PTPN23: variants seen among roughly 807,000 people sequenced by gnomAD.
PTPN23 encodes tyrosine-protein phosphatase non-receptor type 23.
In PTPN23, 72 loss-of-function variants were observed where a neutral mutation model predicts 156.3. The observed-to-expected ratio is 0.46, with a 90% CI of 0.38 to 0.56. PTPN23 has a LOEUF of 0.56. Among genes scored for constraint, PTPN23 ranks in the 20% least tolerant of loss-of-function variants. PTPN23 has a pLI of 0.00. For synonymous variants in PTPN23, 957 were observed against 899.6 expected (o/e 1.06, Z -1.14); for missense variants, 1,974 against 2,171.5 (o/e 0.91, Z 1.81).
intron 2 of PTPN23, among the ~76,000 whole-genome samples, chr3:47,397,922 C>T (rs929731649): frequency 3.3e-5 from 5 of 152,146 alleles, no homozygotes; most frequent in East Asian, 3.9e-4. Context: ...CCACCTGTCT[C>T]GGCTTCCCAA....
intron 17 of PTPN23, 36 bp downstream of exon 17, chr3:47,409,353 C>T: frequency 6.2e-7 from 1 of 1,613,224 alleles, no homozygotes; most frequent in African/African-American, 1.3e-5. Flanking sequence ...GGCTCTGGCT[C>T]CGGGCCCCAC....
Position 47,411,181 on chromosome 3 carries a change from A to T in PTPN23, c.3383A>T (p.His1128Leu). Residue 1128 changes from histidine to leucine, a missense_variant, in exon 20 of 25, where the codon CAT (histidine) becomes CTT (leucine). His to Leu is a moderately conservative substitution (Grantham distance 99). This residue lies in a region of PTPN23 where 731 missense variants were observed against 669.1 expected (regional missense o/e 1.09). Transcript: ENST00000265562. The surrounding 1 kb of genome is among the most constrained non-coding windows in gnomAD (Gnocchi z 6.3). ...CTCTCCTCCAGCCCGGAGAGCCAGCATGGCGGCACTCAGTCTCCTGGGGGT... is the reference window on the plus strand; with the variant it reads ...CTCTCCTCCAGCCCGGAGAGCCAGCTTGGCGGCACTCAGTCTCCTGGGGGT... ...DLLSSSPESQ[H>L]GGTQSPGGGQ... is the part of the protein sequence containing the mutation. 6.2e-7 allele frequency: 1 copy of T among 1,603,892 alleles called. No individual in the cohort carries two copies. Among genetic ancestry groups the T allele is most frequent in the Non-Finnish European group, 8.5e-7 (1 of 1,177,418 alleles).
chr3:47,412,044 C>G, intron 21 of PTPN23, 50 bp from the exon 22 acceptor site: 2 of 1,609,396 alleles, frequency 1.2e-6, no homozygotes, highest in Non-Finnish European at 1.7e-6. Context: ...ATGAGAGCCT[C>G]AGGTCAGGCC....
intron 1 of PTPN23, among the ~76,000 whole-genome samples, chr3:47,381,427 C>A (rs1327732609): frequency 1.3e-5 from 2 of 152,196 alleles, no homozygotes; most frequent in Non-Finnish European, 2.9e-5. Flanking sequence ...CGACTTCTGC[C>A]CCGAGTCATC....
In PTPN23 at chr3:47,410,366, A is replaced by C. The variant is rs1165809201; in HGVS notation, c.2568A>C (p.Pro856=). 8 of 1,610,350 alleles carry C rather than the reference A, an allele frequency of 5.0e-6. No homozygotes were observed. The highest frequency in any genetic ancestry group is 6.8e-6 in the Non-Finnish European group (8 of 1,178,588). Residue 856 remains proline (P), a synonymous_variant, in exon 20 of 25, where the codon CCA becomes CCC. Transcript: ENST00000265562. ...SPYVGVGPAP[P]VAGLPSAPPP... ...ATGTGGGGGTAGGGCCGGCCCCACC[A>C]GTTGCAGGTCTCCCCTCGGCCCCAC...
At position 47,406,128 on chromosome 3, in the gene PTPN23, G is replaced by A; in HGVS notation, c.546+82G>A. On this transcript the variant is annotated intron_variant, in intron 6 of 24. Coordinates refer to ENST00000265562, the MANE Select transcript of PTPN23 (RefSeq NM_015466.4). The surrounding 1 kb of genome is among the most constrained non-coding windows in gnomAD (Gnocchi z 5.8). ...AGGGGGCAGTTGGGCCTGGATCCTGGACCAAGGCAGTGAGGGACAAGCAAG... is the reference window on the plus strand; with the variant it reads ...AGGGGGCAGTTGGGCCTGGATCCTGAACCAAGGCAGTGAGGGACAAGCAAG... 6.4e-7 allele frequency: 1 copy of A among 1,554,894 alleles called. No homozygotes were observed. Among genetic ancestry groups the A allele is most frequent in the South Asian group, 1.2e-5 (1 of 84,066 alleles).
At chr3:47,399,486 G>T (rs973815942) in intron 2 of PTPN23, among the ~76,000 whole-genome samples, 1 of 152,174 alleles carries the variant, frequency 6.6e-6, no homozygotes, top group Non-Finnish European at 1.5e-5. Context: ...TTGAAAACTA[G>T]TGAGATAATC....
chr3:47,391,843 T>TC (rs904107762), intron 1 of PTPN23, among the ~76,000 whole-genome samples: 10 of 152,298 alleles, frequency 6.6e-5, no homozygotes, highest in African/African-American at 2.2e-4. Flanking sequence ...TCTCATATAG[T>TC]CAAGTTTTAC....
At chr3:47,388,059 C>T (rs1188775459) in intron 1 of PTPN23, among the ~76,000 whole-genome samples, 1 of 152,160 alleles carries the variant, frequency 6.6e-6, no homozygotes, top group African/African-American at 2.4e-5. Flanking sequence ...TGGTTTAGGT[C>T]CCCTCTCATT....
rs774645829 is a variant in PTPN23, at chr3:47,407,661, G to C, written c.1004-36G>C. ...CACAGGAGGCTGCCTCAAGGACTCTGCGTGGGCCTGATCTCCACAATTCCC... is the reference window on the plus strand; with the variant it reads ...CACAGGAGGCTGCCTCAAGGACTCTCCGTGGGCCTGATCTCCACAATTCCC... On this transcript the variant is annotated intron_variant, in intron 12 of 24. Transcript: ENST00000265562. This position sits in a 1 kb window ranked among gnomAD's most constrained non-coding sequence, Gnocchi z 4.0. The C allele has an allele frequency of 6.2e-7, 1 of 1,609,134 alleles. No individual in the cohort carries two copies. Among genetic ancestry groups the C allele is most frequent in the Non-Finnish European group, 8.5e-7 (1 of 1,175,658 alleles).
Position 47,409,528 on chromosome 3 carries a change from T to C in PTPN23, c.1909T>C (p.Tyr637His). The change falls in exon 18 of 25, where the codon TAC (tyrosine) becomes CAC (histidine). Residue 637 changes from tyrosine to histidine, a missense_variant. Transcript: ENST00000265562. ...TGCACTGACAGAGGCCAACGTGCAG[T>C]ACGCAGCCGTGCGGCGGGTACTCAG... ...LCALTEANVQ[Y>H]AAVRRVLSDL... The C allele has an allele frequency of 1.9e-6, 3 of 1,614,010 alleles. No individual in the cohort carries two copies. Among genetic ancestry groups the C allele is most frequent in the Non-Finnish European group, 2.5e-6 (3 of 1,179,940 alleles).
In PTPN23 at chr3:47,412,799, C is replaced by T; in HGVS notation, c.4525C>T (p.Pro1509Ser). ...CACCATTGCCAAGCTCAGCATTCGG[C>T]CTCCTGGGGGGTTGGAGTCCCCGGT... ...QATIAKLSIRPPGGLESPVAS... is the reference protein window; with the variant it reads ...QATIAKLSIRSPGGLESPVAS... The change falls in exon 25 of 25, where the codon CCT becomes TCT. Residue 1509 changes from proline (P) to serine (S), a missense_variant. By Grantham distance (74) the Pro-to-Ser change is moderately conservative. This residue lies in a region of PTPN23 where 484 missense variants were observed against 516.0 expected (regional missense o/e 0.94). Transcript: ENST00000265562. 1.9e-6 allele frequency: 3 copies of T among 1,613,486 alleles called. No homozygotes were observed. Among genetic ancestry groups the T allele is most frequent in the Non-Finnish European group, 2.5e-6 (3 of 1,179,904 alleles).
intron 1 of PTPN23, among the ~76,000 whole-genome samples, chr3:47,388,650 T>C (rs1250010981): frequency 2.7e-5 from 4 of 150,914 alleles, no homozygotes; most frequent in Non-Finnish European, 5.9e-5. Context: ...CCTGTTTTGC[T>C]GTCACTACTA....
rs140031403 is a variant in PTPN23 at position 47,410,074 on chromosome 3, C to T, written c.2276C>T (p.Pro759Leu). Residue 759 changes from proline (P) to leucine (L), a missense_variant, in exon 20 of 25, where the codon CCT (proline) becomes CTT (leucine). Around this residue, in one of 4 missense-constraint regions of PTPN23, gnomAD observed 731 missense variants for 669.1 expected, o/e 1.09. Coordinates refer to ENST00000265562, the MANE Select transcript of PTPN23 (RefSeq NM_015466.4). ...PPDMVAGPRLPDTFLGSATPL... is the reference protein window; with the variant it reads ...PPDMVAGPRLLDTFLGSATPL... ...GACATGGTGGCTGGCCCACGACTGC[C>T]TGACACCTTCCTGGGAAGTGCCACC... The T allele has an allele frequency of 1.9e-6, 3 of 1,611,762 alleles. No homozygotes were observed. The highest frequency in any genetic ancestry group is 2.2e-5 in the East Asian group (1 of 44,854).
At position 47,406,346 on chromosome 3, in the gene PTPN23, C is replaced by A; in HGVS notation, c.568C>A (p.Leu190Met). 1 of 1,613,716 alleles carries A rather than the reference C, an allele frequency of 6.2e-7. No homozygotes were observed. Among genetic ancestry groups the A allele is most frequent in the Non-Finnish European group, 8.5e-7 (1 of 1,179,992 alleles). Residue 190 changes from leucine to methionine, a missense_variant, in exon 7 of 25, where the codon CTG (leucine) becomes ATG (methionine). Physicochemically the swap from Leu to Met is conservative, Grantham distance 15 (BLOSUM62 2). Coordinates refer to ENST00000265562, the MANE Select transcript of PTPN23 (RefSeq NM_015466.4). This position sits in a 1 kb window ranked among gnomAD's most constrained non-coding sequence, Gnocchi z 5.8. ...CCAGGGCCAGGCTCAGGAGTGCCTCCTGGAGAAGTCGATGTTGGACAACAG... is the reference window on the plus strand; with the variant it reads ...CCAGGGCCAGGCTCAGGAGTGCCTCATGGAGAAGTCGATGTTGGACAACAG... ...LMLGQAQECL[L>M]EKSMLDNRKS...
intron 1 of PTPN23, among the ~76,000 whole-genome samples, chr3:47,389,765 G>A (rs1456371403): frequency 6.7e-6 from 1 of 150,356 alleles, no homozygotes; most frequent in Non-Finnish European, 1.5e-5. Flanking sequence ...GCGTGAACCC[G>A]GGGGGGTGGA....
At chr3:47,382,323 CTTT>C (rs11438597) in intron 1 of PTPN23, among the ~76,000 whole-genome samples, 4 of 141,060 alleles carry the variant, frequency 2.8e-5, no homozygotes, top group Non-Finnish European at 4.7e-5. Context: ...TTTTTCCTAC[CTTT>C]TTTTTTTTTT....
Position 47,405,408 on chromosome 3 carries a change from G to T in PTPN23, c.364+327G>T, listed in dbSNP as rs905220258. On this transcript the variant is annotated intron_variant, in intron 4 of 24. Transcript: ENST00000265562. This position sits in a 1 kb window ranked among gnomAD's most constrained non-coding sequence, Gnocchi z 4.7. ...TTGGGCTGCTTCAGGCAGGAGGAGA[G>T]TGTGGCTGGCCTCAGCTTACCCTGC... is the stretch of plus-strand genomic sequence containing the variant. 5.6e-6 allele frequency: 3 copies of T among 534,158 alleles called. No individual in the cohort carries two copies. In the African/African-American group the frequency reaches 5.7e-5, roughly 10 times the overall value. The allele number at this position is 534,158 out of a possible 1,614,324, so 33.1% of individuals were successfully genotyped here.
intron 21 of PTPN23, 58 bp downstream of exon 21, chr3:47,412,025 C>T (rs1239387772): frequency 1.1e-5 from 18 of 1,607,088 alleles, no homozygotes; most frequent in Non-Finnish European, 1.0e-5. Flanking sequence ...GTCCTTGGTG[C>T]TGGGAGGGAT....
Sources: allele counts gnomAD v4.1 joint callset (sites outside exome capture counted in the v4.1 genomes callset), GRCh38; gene constraint gnomAD v4.1.1; regional missense constraint gnomAD v4.1.1; non-coding constraint Gnocchi (gnomAD v3.1); transcripts MANE v1.5; gene names NCBI Gene and HGNC (gene_info 2026-07-23, HGNC 2026-07-21).